Variants in NDRG1 observed in about 807,000 individuals in gnomAD.
NDRG1 encodes the protein protein NDRG1.
A neutral mutation model predicts 56.9 loss-of-function variants in NDRG1; 32 were observed. The observed-to-expected ratio is 0.56, with a 90% confidence interval of 0.42 to 0.76. The LOEUF is 0.76. NDRG1 is among the 30% of genes least tolerant of loss of function. The probability of loss-of-function intolerance (pLI) is 0.00; values close to 1 mark genes in which losing one functional copy is unlikely to be tolerated. For synonymous variants in NDRG1, 211 were observed against 204.1 expected, an observed-to-expected ratio of 1.03 and a Z score of -0.29; for missense variants, 507 against 545.7, an observed-to-expected ratio of 0.93 and a Z score of 0.71.
At chr8:133,268,639 C>A (rs1184089524) in intron 3 of NDRG1, among the ~76,000 whole-genome samples, 1 of 152,102 alleles carries the variant, frequency 6.6e-6, no homozygotes, top group Non-Finnish European at 1.5e-5. Context: ...CCCATCAATC[C>A]CATTTTATAG....
chr8:133,282,925 C>T (rs769584284), intron 2 of NDRG1, among the ~76,000 whole-genome samples: 14 of 152,208 alleles, frequency 9.2e-5, no homozygotes, highest in Non-Finnish European at 1.6e-4. Context: ...TGAACTTGAC[C>T]AATCCCCTTC....
intron 12 of NDRG1, 89 bp downstream of exon 12, chr8:133,247,786 G>T: frequency 7.3e-7 from 1 of 1,366,188 alleles, no homozygotes; most frequent in Non-Finnish European, 1.0e-6. Flanking sequence ...GGGCAGAGGA[G>T]AGGAGGGGCA....
At chr8:133,271,915 G>C (rs1006840502) in intron 3 of NDRG1, among the ~76,000 whole-genome samples, 1 of 150,384 alleles carries the variant, frequency 6.6e-6, no homozygotes, top group African/African-American at 2.4e-5. Flanking sequence ...GTCTGATAAA[G>C]CCAGCTTTGT....
intron 1 of NDRG1, among the ~76,000 whole-genome samples, chr8:133,291,214 T>A (rs1358120690): frequency 1.3e-5 from 2 of 152,202 alleles, no homozygotes; most frequent in Non-Finnish European, 2.9e-5. Flanking sequence ...TAAGGCCACA[T>A]GAAAGCCAGT....
intron 9 of NDRG1, among the ~76,000 whole-genome samples, chr8:133,253,446 G>A (rs1486262738): frequency 6.6e-6 from 1 of 152,186 alleles, no homozygotes; most frequent in African/African-American, 2.4e-5. Flanking sequence ...CCATAAACTG[G>A]GAATGAGAAC....
intron 13 of NDRG1, among the ~76,000 whole-genome samples, chr8:133,244,987 G>A (rs953350373): frequency 6.6e-5 from 10 of 152,212 alleles, no homozygotes; most frequent in African/African-American, 2.4e-4. Flanking sequence ...GGGAGCAGGG[G>A]GAGGCTGCGG....
intron 3 of NDRG1, among the ~76,000 whole-genome samples, chr8:133,265,890 G>A (rs1489012587): frequency 2.0e-5 from 3 of 152,302 alleles, no homozygotes; most frequent in South Asian, 2.1e-4. Context: ...AGAAGTTCCC[G>A]AGGACCCCAG....
Position 133,270,371 on chromosome 8 carries a change from G to C in NDRG1, c.100-5719C>G, listed in dbSNP as rs1857130010. On this transcript the variant is annotated intron_variant, in intron 3 of 15. Coordinates refer to ENST00000323851, the MANE Select transcript of NDRG1 (RefSeq NM_006096.4). ...TTGGTTGGCATCCCAAACATCTGTT[G>C]TTCCCTTCTTTTTGAGGATAGAATT... 1.3e-5 allele frequency among the ~76,000 whole-genome samples: 2 copies of C among 152,180 alleles called. 1 individual carries two copies. Among genetic ancestry groups the C allele is most frequent in the South Asian group, 4.1e-4 (2 of 4,828 alleles).
intron 2 of NDRG1, among the ~76,000 whole-genome samples, chr8:133,283,113 T>G (rs547964357): frequency 7.2e-5 from 11 of 152,336 alleles, no homozygotes; most frequent in African/African-American, 2.6e-4. Flanking sequence ...TGGCCTGGGT[T>G]TGATTCCATG....
rs576588229 is a variant in NDRG1, at chr8:133,281,234, G to A, written c.64-967C>T. The stretch of plus-strand genomic sequence containing the variant: ...TAGCCAGGCATGATGGCGCATGCCT[G>A]TAATCCCAGCTACTCGGGAGGCTAA... On this transcript the variant is annotated intron_variant, in intron 2 of 15. Transcript: ENST00000323851. Among the ~76,000 whole-genome samples, 279 of 152,124 alleles carry A rather than the reference G, an allele frequency of 1.8e-3. 4 individuals carry two copies. Among genetic ancestry groups the A allele is most frequent in the Middle Eastern group, 0.017 (5 of 294 alleles).
At chr8:133,281,564 G>A (rs1857803913) in intron 2 of NDRG1, among the ~76,000 whole-genome samples, 1 of 144,396 alleles carries the variant, frequency 6.9e-6, no homozygotes. Flanking sequence ...ACCCAGAGAT[G>A]GAGTCCCAAC....
chr8:133,276,357 T>G (rs1344481174), intron 3 of NDRG1, among the ~76,000 whole-genome samples: 1 of 152,206 alleles, frequency 6.6e-6, no homozygotes, highest in Non-Finnish European at 1.5e-5. Context: ...GCAGATAAAC[T>G]ATGCTTTCTA....
chr8:133,265,259 A>G (rs1331374996), intron 3 of NDRG1, among the ~76,000 whole-genome samples: 2 of 152,234 alleles, frequency 1.3e-5, no homozygotes, highest in African/African-American at 4.8e-5. Flanking sequence ...CAGGCCAACT[A>G]AAGCCAGCTG....
chr8:133,239,957 G>GATAT (rs1290213016), intron 15 of NDRG1: 1 of 152,234 alleles, frequency 6.6e-6, no homozygotes, highest in East Asian at 1.9e-4. Flanking sequence ...TGTCCTTATA[G>GATAT]AAACAGCACA....
intron 1 of NDRG1, among the ~76,000 whole-genome samples, chr8:133,294,005 AC>A (rs1586507994): frequency 6.6e-6 from 1 of 152,212 alleles, no homozygotes; most frequent in South Asian, 2.1e-4. Flanking sequence ...GCAAACACCT[AC>A]ACGCTGTTTT....
chr8:133,284,075 T>A (rs1249529238), intron 2 of NDRG1, among the ~76,000 whole-genome samples, 174 bp downstream of exon 2: 1 of 152,086 alleles, frequency 6.6e-6, no homozygotes, highest in Non-Finnish European at 1.5e-5. Flanking sequence ...CATGTGTGTC[T>A]GTATGCTATG....
Position 133,239,157 on chromosome 8 carries a change from A to T in NDRG1, c.944-38T>A, listed in dbSNP as rs985198094. 4 of 1,549,656 alleles carry T rather than the reference A, an allele frequency of 2.6e-6. No homozygotes were observed. The African/African-American group carries it at 5.5e-5, about 21-fold the overall frequency. ...GAGACAGCCGGTTAGAGGGCAGGAG[A>T]CTGCCAGGTGAGGAGCCAGGCATGC... On this transcript the variant is annotated intron_variant, in intron 15 of 15. Coordinates refer to ENST00000323851, the MANE Select transcript of NDRG1 (RefSeq NM_006096.4).
intron 3 of NDRG1, among the ~76,000 whole-genome samples, chr8:133,269,502 G>A (rs867915796): frequency 7.9e-5 from 12 of 152,310 alleles, no homozygotes; most frequent in East Asian, 1.9e-4. Context: ...TTTCTCACAC[G>A]TGTTTTCTCA....
In NDRG1 at chr8:133,254,522, C is replaced by T. The variant is rs201177012; in HGVS notation, c.594+17G>A. ...TGCTCAGCAGGAACAACAGATTTGC[C>T]AGACCACGCAACTCACCTTCCCAAA... On this transcript the variant is annotated intron_variant, in intron 9 of 15. Transcript: ENST00000323851. The T allele has an allele frequency of 6.2e-7, 1 of 1,613,960 alleles. No homozygotes were observed. Among genetic ancestry groups the T allele is most frequent in the East Asian group, 2.2e-5 (1 of 44,872 alleles).
Sources: allele counts gnomAD v4.1 joint callset (sites outside exome capture counted in the v4.1 genomes callset), GRCh38; gene constraint gnomAD v4.1.1; transcripts MANE v1.5; gene names NCBI Gene and HGNC (gene_info 2026-07-23, HGNC 2026-07-21).